Variants in RAP1B observed in about 807,000 individuals in gnomAD.
The protein encoded by RAP1B is RAP1B, member of RAS oncogene family.
Under a neutral mutation model 27.5 loss-of-function variants are expected in RAP1B, and 1 was observed. That is an observed-to-expected ratio of 0.04 (90% CI 0.01 to 0.17). RAP1B has a LOEUF of 0.17. RAP1B is among the 10% of genes least tolerant of loss of function. The pLI is 1.00. For missense variants in RAP1B, 84 were observed against 214.8 expected, an observed-to-expected ratio of 0.39 and a Z score of 3.81; for synonymous variants, 75 against 73.1, an observed-to-expected ratio of 1.03 and a Z score of -0.13.
intron 1 of RAP1B, among the ~76,000 whole-genome samples, chr12:68,617,096 C>A (rs1310697011): frequency 6.6e-6 from 1 of 152,134 alleles, no homozygotes; most frequent in Non-Finnish European, 1.5e-5. Context: ...AATTTATCCT[C>A]ACATTAGAAT....
At chr12:68,643,981 C>G (rs1873213655) in intron 1 of RAP1B, among the ~76,000 whole-genome samples, 1 of 151,678 alleles carries the variant, frequency 6.6e-6, no homozygotes, top group Non-Finnish European at 1.5e-5. Flanking sequence ...ATTATAATCT[C>G]AAGATTTTTT....
intron 1 of RAP1B, among the ~76,000 whole-genome samples, chr12:68,647,706 A>G (rs1213751301): frequency 2.6e-5 from 4 of 151,860 alleles, no homozygotes; most frequent in African/African-American, 9.7e-5. Flanking sequence ...AAGCACTGTC[A>G]CTCAAGTGAA....
chr12:68,650,546 T>A, intron 3 of RAP1B, 78 bp downstream of exon 3: 1 of 1,185,140 alleles, frequency 8.4e-7, no homozygotes, highest in Non-Finnish European at 1.1e-6. Context: ...TATTGAATGT[T>A]TTATACAAAG....
At chr12:68,647,873 C>G (rs1873539208) in intron 1 of RAP1B, 1 of 152,166 alleles carries the variant, frequency 6.6e-6, no homozygotes, top group Admixed American at 6.5e-5. Flanking sequence ...TCATTTAAAT[C>G]AGTTATAGTA....
chr12:68,650,406 C>A lies in RAP1B; in HGVS notation c.64C>A (p.Gln22Lys). 6.4e-7 allele frequency: 1 copy of A among 1,551,290 alleles called. No individual in the cohort carries two copies. The highest frequency in any genetic ancestry group is 1.9e-5 in the Admixed American group (1 of 52,250). The change falls in exon 3 of 8, where the codon CAA (glutamine) becomes AAA (lysine). Residue 22 changes from glutamine (Q) to lysine (K), a missense_variant. By Grantham distance (53) the Gln-to-Lys change is moderately conservative. Coordinates refer to ENST00000250559, the MANE Select transcript of RAP1B (RefSeq NM_001010942.3). ...GGVGKSALTV[Q>K]FVQGIFVEKY... Reference sequence around the variant, plus strand: ...TTCTTAATTTTTTTTTCAGACTGTACAATTTGTTCAAGGAATTTTTGTAGA... The same window carrying A: ...TTCTTAATTTTTTTTTCAGACTGTAAAATTTGTTCAAGGAATTTTTGTAGA...
At chr12:68,644,431 A>C (rs1873247165) in intron 1 of RAP1B, among the ~76,000 whole-genome samples, 1 of 151,896 alleles carries the variant, frequency 6.6e-6, no homozygotes, top group Non-Finnish European at 1.5e-5. Context: ...AAAAATACAA[A>C]AAATTAGCTG....
intron 1 of RAP1B, among the ~76,000 whole-genome samples, chr12:68,626,030 C>T (rs1871746856): frequency 2.6e-5 from 4 of 152,102 alleles, no homozygotes; most frequent in African/African-American, 9.7e-5. Flanking sequence ...TTTTCTGAGC[C>T]ATTTGTTTCT....
At chr12:68,641,008 G>GT (rs1872959479) in intron 1 of RAP1B, 1 of 152,136 alleles carries the variant, frequency 6.6e-6, no homozygotes, top group African/African-American at 2.4e-5. Context: ...TGTAGAATAT[G>GT]TTTTTTGTTT....
chr12:68,644,079 T>C (rs765524908), intron 1 of RAP1B, among the ~76,000 whole-genome samples: 13 of 152,216 alleles, frequency 8.5e-5, no homozygotes, highest in Non-Finnish European at 4.4e-5. Context: ...TAGATTTCAT[T>C]AAGACTTCTG....
chr12:68,667,058 A>T lies in RAP1B; in HGVS notation c.*7809A>T, dbSNP rs1874884406. On this transcript the variant is annotated 3_prime_UTR_variant, in exon 8 of 8. Transcript: ENST00000250559. ...ACTTGTGTCAGTATATATCCTGCCT[A>T]CCCTACATATTTTATATTTATCAAT... The T allele has an allele frequency of 1.3e-5, 2 of 152,122 alleles. No homozygotes were observed. Among genetic ancestry groups the T allele is most frequent in the South Asian group, 4.1e-4 (2 of 4,826 alleles). The allele number at this position is 152,122 out of a possible 1,614,324, so 9.4% of individuals were successfully genotyped here.
intron 1 of RAP1B, among the ~76,000 whole-genome samples, chr12:68,641,675 T>G (rs1873013658): frequency 6.6e-6 from 1 of 152,088 alleles, no homozygotes; most frequent in Admixed American, 6.6e-5. Context: ...TAGGAATCTT[T>G]AAATGTAAAT....
At chr12:68,616,697 G>C (rs1871043754) in intron 1 of RAP1B, among the ~76,000 whole-genome samples, 1 of 152,046 alleles carries the variant, frequency 6.6e-6, no homozygotes, top group Admixed American at 6.5e-5. Flanking sequence ...GCCTCCCAAA[G>C]TGCTGGGATT....
chr12:68,613,531 ATTAT>A (rs1408804477), intron 1 of RAP1B, among the ~76,000 whole-genome samples: 3 of 151,908 alleles, frequency 2.0e-5, no homozygotes, highest in South Asian at 2.1e-4. Context: ...ACCATTTTAT[ATTAT>A]TTATTCCATT....
intron 1 of RAP1B, among the ~76,000 whole-genome samples, chr12:68,611,474 C>T: frequency 6.6e-6 from 1 of 151,812 alleles, no homozygotes; most frequent in Non-Finnish European, 1.5e-5. Context: ...CCTGGGTTCC[C>T]TCCGTGGTAT....
At chr12:68,619,910 T>C (rs1463123999) in intron 1 of RAP1B, among the ~76,000 whole-genome samples, 4 of 152,220 alleles carry the variant, frequency 2.6e-5, no homozygotes, top group Non-Finnish European at 4.4e-5. Context: ...GGTTTTAATA[T>C]TTGTTTTGTA....
At chr12:68,619,696 CTTTGA>C (rs1308145185) in intron 1 of RAP1B, among the ~76,000 whole-genome samples, 1 of 152,014 alleles carries the variant, frequency 6.6e-6, no homozygotes, top group Non-Finnish European at 1.5e-5. Context: ...TTAATGTCTT[CTTTGA>C]TTTATTTTGT....
chr12:68,632,531 A>G (rs1166808951), intron 1 of RAP1B, among the ~76,000 whole-genome samples: 1 of 152,162 alleles, frequency 6.6e-6, no homozygotes, highest in Non-Finnish European at 1.5e-5. Context: ...TAAAGATCAG[A>G]TTCAGATGAT....
Position 68,659,926 on chromosome 12 carries a change from CTTA to C in RAP1B, c.*682_*684del, listed in dbSNP as rs1357657143. 3.3e-5 allele frequency: 5 copies of C among 150,096 alleles called. No individual in the cohort carries two copies. Among genetic ancestry groups the C allele is most frequent in the African/African-American group, 7.4e-5 (3 of 40,310 alleles). 9.3% of individuals were successfully genotyped at this position (150,096 alleles called of 1,614,324 possible). ...GGAAATGTCCAGACTTTTCAAATCT[CTTA>C]TTATATGTTTCCTTTTTTTGTTTAC... On this transcript the variant is annotated 3_prime_UTR_variant, in exon 8 of 8. Transcript: ENST00000250559.
intron 1 of RAP1B, among the ~76,000 whole-genome samples, chr12:68,634,416 T>C (rs946425052): frequency 6.6e-6 from 1 of 152,078 alleles, no homozygotes; most frequent in African/African-American, 2.4e-5. Context: ...CTATACTGAG[T>C]CAGTATGCAT....
Sources: gnomAD v4.1 joint callset for allele counts (sites outside exome capture counted in the v4.1 genomes callset) on GRCh38, gnomAD v4.1.1 for gene constraint, MANE v1.5 for transcripts, NCBI Gene and HGNC (gene_info 2026-07-23, HGNC 2026-07-21) for gene names.